Variants in ACAD8 observed in about 807,000 individuals in gnomAD.
The protein encoded by ACAD8 is acyl-CoA dehydrogenase family member 8.
Under a neutral mutation model 53.1 loss-of-function variants are expected in ACAD8, and 47 were observed. The ratio of observed to expected loss-of-function variants is 0.89; its 90% CI spans 0.70 to 1.13. The LOEUF (loss-of-function observed/expected upper bound fraction) is 1.13. Among genes scored for constraint, ACAD8 ranks in the 50% most tolerant of loss-of-function variants. The probability of loss-of-function intolerance (pLI) is 0.00; values close to 1 mark genes in which losing one functional copy is unlikely to be tolerated. For synonymous variants in ACAD8, 198 were observed against 201.3 expected (o/e 0.98, Z 0.14); for missense variants, 494 against 535.0 (o/e 0.92, Z 0.76).
chr11:134,261,069 G>C lies in ACAD8; in HGVS notation c.731G>C (p.Arg244Pro). 6.2e-7 allele frequency: 1 copy of C among 1,612,624 alleles called. No individual in the cohort carries two copies. Residue 244 changes from arginine (R) to proline (P), a missense_variant, in exon 7 of 11, where the codon CGA becomes CCA. Transcript: ENST00000281182. The surrounding 1 kb of genome is among the most constrained non-coding windows in gnomAD (Gnocchi z 4.2). ...KKVGWNSQPT[R>P]AVIFEDCAVP... Reference sequence around the variant, plus strand: ...GTGGGGTGGAACTCCCAGCCAACACGAGCTGTGATCTTCGAAGACTGTGCT... The same window carrying C: ...GTGGGGTGGAACTCCCAGCCAACACCAGCTGTGATCTTCGAAGACTGTGCT...
At chr11:134,256,927 G>C (rs957924093) in intron 2 of ACAD8, 161 bp from the exon 3 acceptor site, 3 of 779,114 alleles carry the variant, frequency 3.9e-6, no homozygotes, top group East Asian at 5.3e-5. Flanking sequence ...GTTTTTACAG[G>C]ACCCATGTTA....
Position 134,265,744 on chromosome 11 carries a change from A to T in ACAD8, c.*784A>T, listed in dbSNP as rs572912202. 1.3e-5 allele frequency: 2 copies of T among 152,010 alleles called. No homozygotes were observed. Among genetic ancestry groups the T allele is most frequent in the South Asian group, 2.1e-4 (1 of 4,816 alleles). The allele number at this position is 152,010 out of a possible 1,614,324, so 9.4% of individuals were successfully genotyped here. On this transcript the variant is annotated 3_prime_UTR_variant, in exon 11 of 11. Transcript: ENST00000281182. ...ACATTGATAAAATCTATCCTTCACC[A>T]CCTCTGGTTCTACTATAGTTGATTT...
intron 1 of ACAD8, among the ~76,000 whole-genome samples, chr11:134,255,076 T>G (rs1939421956): frequency 6.6e-6 from 1 of 152,240 alleles, no homozygotes; most frequent in East Asian, 1.9e-4. Context: ...AGAAGAAGAT[T>G]TGTTAACATT....
chr11:134,262,152 G>A (rs1939918277), intron 9 of ACAD8: 1 of 666,412 alleles, frequency 1.5e-6, no homozygotes, highest in Non-Finnish European at 2.8e-6. Flanking sequence ...ACCTTTGGAA[G>A]GTTCACAGCA....
chr11:134,255,519 T>A (rs1367635936), intron 1 of ACAD8, among the ~76,000 whole-genome samples: 1 of 152,240 alleles, frequency 6.6e-6, no homozygotes, highest in Non-Finnish European at 1.5e-5. Context: ...CTTTGAGCCA[T>A]GGTCTACAGT....
intron 5 of ACAD8, 41 bp downstream of exon 5, chr11:134,259,125 C>G: frequency 6.4e-7 from 1 of 1,567,314 alleles, no homozygotes; most frequent in Non-Finnish European, 8.8e-7. Flanking sequence ...GGAGATTGTT[C>G]CCAGCTTCCT....
Position 134,261,799 on chromosome 11 carries a change from G to A in ACAD8, c.1001G>A (p.Arg334His), listed in dbSNP as rs747268139. The A allele has an allele frequency of 3.1e-6, 5 of 1,614,036 alleles. No individual in the cohort carries two copies. The South Asian group carries it at 3.3e-5, about 11-fold the overall frequency. Residue 334 changes from arginine (R) to histidine (H), a missense_variant, in exon 9 of 11, where the codon CGC becomes CAC. Transcript: ENST00000281182. This position sits in a 1 kb window ranked among gnomAD's most constrained non-coding sequence, Gnocchi z 4.2. ...TRLVAARLMV[R>H]NAAVALQEER... Reference sequence around the variant, plus strand: ...CTGGTGGCCGCGCGGCTGATGGTCCGCAATGCAGCAGTGGCTCTGCAGGAG... The same window carrying A: ...CTGGTGGCCGCGCGGCTGATGGTCCACAATGCAGCAGTGGCTCTGCAGGAG...
Position 134,259,061 on chromosome 11 carries a change from C to G in ACAD8, c.544C>G (p.His182Asp). 6.2e-7 allele frequency: 1 copy of G among 1,614,158 alleles called. No individual in the cohort carries two copies. Among genetic ancestry groups the G allele is most frequent in the Non-Finnish European group, 8.5e-7 (1 of 1,180,022 alleles). ...LLTSAKKQGDHYILNGSKAFI... is the reference protein window; with the variant it reads ...LLTSAKKQGDDYILNGSKAFI... Reference sequence around the variant, plus strand: ...GACCTCCGCTAAGAAACAGGGAGATCATTACATCCTCAATGGCTCCAAGGT... The same window carrying G: ...GACCTCCGCTAAGAAACAGGGAGATGATTACATCCTCAATGGCTCCAAGGT... Residue 182 changes from histidine (H) to aspartate (D), a missense_variant, in exon 5 of 11, where the codon CAT (histidine) becomes GAT (aspartate). Physicochemically the swap from His to Asp is moderately conservative, Grantham distance 81. Transcript: ENST00000281182.
chr11:134,256,970 T>C (rs2136075714), intron 2 of ACAD8, 118 bp from the exon 3 acceptor site: 3 of 1,079,294 alleles, frequency 2.8e-6, no homozygotes, highest in Non-Finnish European at 4.3e-6. Flanking sequence ...CAAACAGGCA[T>C]ATTAAGAGAA....
In ACAD8 at chr11:134,261,096, T is replaced by G. The variant is rs537831211; in HGVS notation, c.758T>G (p.Val253Gly). Residue 253 changes from valine (V) to glycine (G), a missense_variant, in exon 7 of 11, where the codon GTC becomes GGC. Val to Gly is a moderately radical substitution (Grantham distance 109, BLOSUM62 -3). Transcript: ENST00000281182. This position sits in a 1 kb window ranked among gnomAD's most constrained non-coding sequence, Gnocchi z 4.2. ...GCTGTGATCTTCGAAGACTGTGCTG[T>G]CCCTGTGGCCAACAGAATTGGGAGC... Reference protein sequence around the residue: ...TRAVIFEDCAVPVANRIGSEG... With the variant: ...TRAVIFEDCAGPVANRIGSEG... 3.7e-6 allele frequency: 6 copies of G among 1,612,342 alleles called. No individual in the cohort carries two copies. The East Asian group carries it at 1.3e-4, about 36-fold the overall frequency.
Position 134,265,036 on chromosome 11 carries a change from T to G in ACAD8, c.*76T>G. ...AGTGGTGCCATGTGGGCCGCTCTATTCCAAAGGAATCATGGATTAGACCCA... is the reference window on the plus strand; with the variant it reads ...AGTGGTGCCATGTGGGCCGCTCTATGCCAAAGGAATCATGGATTAGACCCA... On this transcript the variant is annotated 3_prime_UTR_variant, in exon 11 of 11. Coordinates refer to ENST00000281182, the MANE Select transcript of ACAD8 (RefSeq NM_014384.3). 1 of 1,493,794 alleles carries G rather than the reference T, an allele frequency of 6.7e-7. No homozygotes were observed. Among genetic ancestry groups the G allele is most frequent in the Non-Finnish European group, 9.3e-7 (1 of 1,071,644 alleles). The allele number at this position is 1,493,794 out of a possible 1,614,324, so 92.5% of individuals were successfully genotyped here. A position where few individuals can be genotyped will look rare whatever the true frequency, so the allele number is the denominator to read the frequency against.
intron 10 of ACAD8, chr11:134,263,774 A>G (rs1940038733): frequency 2.0e-6 from 2 of 985,440 alleles, no homozygotes; most frequent in Non-Finnish European, 2.4e-6. Flanking sequence ...AGGCCACACC[A>G]TCACCCACTT....
intron 10 of ACAD8, chr11:134,263,558 TA>T: frequency 1.0e-6 from 1 of 985,502 alleles, no homozygotes; most frequent in Non-Finnish European, 1.2e-6. Flanking sequence ...TACCACAGGT[TA>T]GACCGCTGCT....
Position 134,257,137 on chromosome 11 carries a change from G to T in ACAD8, c.260G>T (p.Gly87Val). 6.2e-7 allele frequency: 1 copy of T among 1,614,160 alleles called. No individual in the cohort carries two copies. Among genetic ancestry groups the T allele is most frequent in the East Asian group, 2.2e-5 (1 of 44,870 alleles). The change falls in exon 3 of 11, where the codon GGA becomes GTA. Residue 87 changes from glycine (G) to valine (V), a missense_variant. Transcript: ENST00000281182. ...VMRKAAQLGF[G>V]GVYIQTDVGG... is the part of the protein sequence containing the mutation. ...CGGAAGGCAGCCCAGCTAGGCTTCGGAGGGGTCTACATACAAACAGATGTG... is the reference window on the plus strand; with the variant it reads ...CGGAAGGCAGCCCAGCTAGGCTTCGTAGGGGTCTACATACAAACAGATGTG...
intron 3 of ACAD8, 30 bp from the exon 4 acceptor site, chr11:134,258,485 A>G (rs1285766265): frequency 2.0e-6 from 3 of 1,491,830 alleles, no homozygotes; most frequent in South Asian, 1.1e-5. Flanking sequence ...TATTTCTGTC[A>G]TTGTCTTTTC....
chr11:134,261,143 G>T lies in ACAD8; in HGVS notation c.805G>T (p.Ala269Ser). The stretch of plus-strand genomic sequence containing the variant: ...GAGCGAGGGGCAGGGCTTCCTCATT[G>T]CCGTGAGAGGACTGAACGGAGGGAG... The part of the protein sequence containing the change: ...IGSEGQGFLI[A>S]VRGLNGGRIN... Residue 269 changes from alanine (A) to serine (S), a missense_variant, in exon 7 of 11, where the codon GCC (alanine) becomes TCC (serine). Ala to Ser is a moderately conservative substitution (Grantham distance 99). Transcript: ENST00000281182. The surrounding 1 kb of genome is among the most constrained non-coding windows in gnomAD (Gnocchi z 4.2). The T allele has an allele frequency of 1.2e-6, 2 of 1,612,520 alleles. No individual in the cohort carries two copies. The highest frequency in any genetic ancestry group is 8.5e-7 in the Non-Finnish European group (1 of 1,179,434).
Position 134,258,501 on chromosome 11 carries a change from G to A in ACAD8, c.381-14G>A, listed in dbSNP as rs200055094. ...ATTTCTGTCATTGTCTTTTCTTCTTGGTGTACCTATCAGCATGTGTGCCTG... is the reference window on the plus strand; with the variant it reads ...ATTTCTGTCATTGTCTTTTCTTCTTAGTGTACCTATCAGCATGTGTGCCTG... On this transcript the variant is annotated splice_polypyrimidine_tract_variant and intron_variant, in intron 3 of 10. Coordinates refer to ENST00000281182, the MANE Select transcript of ACAD8 (RefSeq NM_014384.3). 9.5e-6 allele frequency: 15 copies of A among 1,571,966 alleles called. No homozygotes were observed. The East Asian group carries it at 3.4e-4, about 35-fold the overall frequency.
At chr11:134,262,312 C>A in intron 9 of ACAD8, 1 of 669,708 alleles carries the variant, frequency 1.5e-6, no homozygotes, top group Non-Finnish European at 2.7e-6. Flanking sequence ...TTTGAGTCGC[C>A]TGTCTGGGGG....
intron 6 of ACAD8, chr11:134,260,112 G>A: frequency 1.7e-6 from 2 of 1,182,872 alleles, no homozygotes; most frequent in Non-Finnish European, 2.1e-6. Context: ...AGTAATGGAA[G>A]GCGTGTGGTC....
Sources: gnomAD v4.1 joint callset for allele counts (sites outside exome capture counted in the v4.1 genomes callset) on GRCh38, gnomAD v4.1.1 for gene constraint, Gnocchi (gnomAD v3.1) non-coding constraint, MANE v1.5 for transcripts, NCBI Gene and HGNC (gene_info 2026-07-23, HGNC 2026-07-21) for gene names.